Variants in YARS1 observed in about 807,000 individuals in gnomAD.
YARS1 encodes the protein tyrosyl-tRNA synthetase 1.
YARS1 carries 36 observed loss-of-function variants against 62.2 expected under a neutral mutation model. The ratio of observed to expected loss-of-function variants is 0.58; its 90% CI spans 0.44 to 0.76. YARS1 has a LOEUF of 0.76. Ranked by LOEUF, YARS1 falls within the 30% of genes least tolerant of loss-of-function variation. YARS1 has a pLI of 0.00. For synonymous variants in YARS1, 234 were observed against 244.9 expected (o/e 0.96, Z 0.42); for missense variants, 524 against 639.8 (o/e 0.82, Z 1.95).
At chr1:32,806,440 GA>G (rs755507019) in intron 4 of YARS1, 41 bp downstream of exon 4, 37 of 1,612,932 alleles carry the variant, frequency 2.3e-5, no homozygotes, top group Non-Finnish European at 2.8e-5. Context: ...CATCAAACCA[GA>G]GCAGAAAAGG....
chr1:32,795,008 A>G (rs2148608454), intron 5 of YARS1, among the ~76,000 whole-genome samples: 1 of 147,008 alleles, frequency 6.8e-6, no homozygotes, highest in East Asian at 2.0e-4. Flanking sequence ...GTCTCAAAAA[A>G]AAAAAAAAAA....
chr1:32,815,923 C>G (rs969455768), intron 1 of YARS1, among the ~76,000 whole-genome samples: 18 of 152,034 alleles, frequency 1.2e-4, no homozygotes, highest in African/African-American at 4.3e-4. Flanking sequence ...CCCTGGCTAA[C>G]ACGGTGAAAC....
rs1440925272 is a variant in YARS1 at position 32,780,252 on chromosome 1, T to C, written c.1167A>G (p.Val389=). Residue 389 remains valine (V), a synonymous_variant, in exon 11 of 13, where the codon GTA becomes GTG. Transcript: ENST00000373477. ...EKHPDADSLY[V]EKIDVGEAEP... is the part of the protein sequence containing the mutation. ...CAGCTTCCCCCACGTCAATCTTCTCTACATACAGGCTGTCTGCATCTGGGT... is the reference window on the plus strand; with the variant it reads ...CAGCTTCCCCCACGTCAATCTTCTCCACATACAGGCTGTCTGCATCTGGGT... 2 of 1,614,012 alleles carry C rather than the reference T, an allele frequency of 1.2e-6. No homozygotes were observed. Among genetic ancestry groups the C allele is most frequent in the African/African-American group, 1.3e-5 (1 of 74,920 alleles).
At chr1:32,799,281 T>G (rs541193742) in intron 4 of YARS1, among the ~76,000 whole-genome samples, 1 of 152,214 alleles carries the variant, frequency 6.6e-6, no homozygotes, top group Non-Finnish European at 1.5e-5. Flanking sequence ...GAAAAGTAGG[T>G]AAAGACCATG....
At chr1:32,792,287 GACC>G (rs370501232) in intron 5 of YARS1, among the ~76,000 whole-genome samples, 140 of 152,270 alleles carry the variant, frequency 9.2e-4, no homozygotes, top group African/African-American at 2.9e-3. Context: ...TAGGAACAAG[GACC>G]ACACCACAGG....
At chr1:32,799,749 CAT>C (rs1653715643) in intron 4 of YARS1, among the ~76,000 whole-genome samples, 2 of 152,322 alleles carry the variant, frequency 1.3e-5, no homozygotes, top group Admixed American at 1.3e-4. Context: ...TTAATAGCCA[CAT>C]ATGACTAGGA....
At chr1:32,786,031 G>A (rs538775617) in intron 8 of YARS1, among the ~76,000 whole-genome samples, 1 of 152,066 alleles carries the variant, frequency 6.6e-6, no homozygotes, top group Non-Finnish European at 1.5e-5. Flanking sequence ...GACCACTCGT[G>A]TGTATAAGAT....
chr1:32,806,660 C>T (rs1444642369), intron 3 of YARS1, 49 bp from the exon 4 acceptor site: 1 of 1,613,532 alleles, frequency 6.2e-7, no homozygotes, highest in Admixed American at 1.7e-5. Flanking sequence ...GCCTAGGCCT[C>T]AGTTTCCTAG....
chr1:32,802,766 C>G (rs1367868164), intron 4 of YARS1, among the ~76,000 whole-genome samples: 1 of 152,124 alleles, frequency 6.6e-6, no homozygotes, highest in Non-Finnish European at 1.5e-5. Flanking sequence ...AGACGTGCTA[C>G]TATCCAGGCT....
At chr1:32,805,059 C>T (rs1001572313) in intron 4 of YARS1, among the ~76,000 whole-genome samples, 6 of 152,126 alleles carry the variant, frequency 3.9e-5, no homozygotes, top group Non-Finnish European at 7.4e-5. Context: ...AGCGAAACCC[C>T]GTCTCCACCA....
intron 5 of YARS1, 54 bp downstream of exon 5, chr1:32,797,709 C>T: frequency 6.9e-7 from 1 of 1,458,440 alleles, no homozygotes; most frequent in Non-Finnish European, 9.6e-7. Flanking sequence ...TCAATAAACA[C>T]AGCTGCATAC....
intron 5 of YARS1, 47 bp from the exon 6 acceptor site, chr1:32,791,301 C>G: frequency 6.7e-7 from 1 of 1,482,080 alleles, no homozygotes; most frequent in Non-Finnish European, 9.4e-7. Context: ...GTCTAAGTTC[C>G]TCCTCAGTGC....
At position 32,775,944 on chromosome 1, in the gene YARS1, C is replaced by T; in HGVS notation, c.*37G>A. The T allele has an allele frequency of 6.5e-7, 1 of 1,537,146 alleles. No homozygotes were observed. Among genetic ancestry groups the T allele is most frequent in the East Asian group, 2.2e-5 (1 of 44,542 alleles). On this transcript the variant is annotated 3_prime_UTR_variant, in exon 13 of 13. Coordinates refer to ENST00000373477, the MANE Select transcript of YARS1 (RefSeq NM_003680.4). ...AGCAGACTGAAGAGACAGCAGATGA[C>T]TCAGTGGTGGAAGAAGGGGGGAAGA...
intron 7 of YARS1, 97 bp downstream of exon 7, chr1:32,786,843 T>A: frequency 6.7e-7 from 1 of 1,492,958 alleles, no homozygotes; most frequent in Non-Finnish European, 9.2e-7. Context: ...GGGCAGCCAG[T>A]CCCTGAAGGA....
At chr1:32,801,939 TTTC>T (rs1638304747) in intron 4 of YARS1, among the ~76,000 whole-genome samples, 1 of 145,916 alleles carries the variant, frequency 6.9e-6, no homozygotes, top group South Asian at 2.2e-4. Context: ...TCTCTTGTTA[TTTC>T]TTTTTTTTTT....
chr1:32,804,202 A>G (rs1638383616), intron 4 of YARS1, among the ~76,000 whole-genome samples: 1 of 152,186 alleles, frequency 6.6e-6, no homozygotes, highest in Non-Finnish European at 1.5e-5. Context: ...CCCCTTTTCT[A>G]TTCGACAAAA....
intron 8 of YARS1, among the ~76,000 whole-genome samples, chr1:32,784,136 C>T (rs1361794265): frequency 1.3e-5 from 2 of 151,784 alleles, no homozygotes. Context: ...TTCCCAGTAG[C>T]TGCGACTACA....
At chr1:32,801,942 CTTTTTTTTTTT>C (rs34270752) in intron 4 of YARS1, among the ~76,000 whole-genome samples, 2 of 103,888 alleles carry the variant, frequency 1.9e-5, no homozygotes, top group African/African-American at 3.5e-5. Flanking sequence ...CTTGTTATTT[CTTTTTTTTTTT>C]TTTTTTTTTT....
At chr1:32,791,085 G>T in intron 6 of YARS1, 77 bp downstream of exon 6, 1 of 1,316,128 alleles carries the variant, frequency 7.6e-7, no homozygotes, top group South Asian at 1.2e-5. Context: ...AGTTAGCCAG[G>T]TCACTGTTCT....
Sources: allele counts gnomAD v4.1 joint callset (sites outside exome capture counted in the v4.1 genomes callset), GRCh38; gene constraint gnomAD v4.1.1; transcripts MANE v1.5; gene names NCBI Gene and HGNC (gene_info 2026-07-23, HGNC 2026-07-21).